DPYD: variants seen among roughly 807,000 people sequenced by gnomAD.
DPYD encodes the protein dihydropyrimidine dehydrogenase [NADP(+)].
In DPYD, 109 loss-of-function variants were observed where a neutral mutation model predicts 116.2. The ratio of observed to expected loss-of-function variants is 0.94; its 90% confidence interval spans 0.80 to 1.10. The LOEUF is 1.10. Among genes scored for constraint, DPYD ranks in the 50% least tolerant of loss-of-function variants. The probability of loss-of-function intolerance (pLI) is 0.00; values close to 1 mark genes in which losing one functional copy is unlikely to be tolerated. For missense variants in DPYD, 1,302 were observed against 1,254.5 expected (o/e 1.04, Z -0.57); for synonymous variants, 440 against 432.0 (o/e 1.02, Z -0.23).
rs573918579 is a variant in DPYD, at chr1:97,801,613, G to A, written c.233+26501C>T. Among the ~76,000 whole-genome samples the A allele has an allele frequency of 2.0e-5, 3 of 151,984 alleles. No individual in the cohort carries two copies. The East Asian group carries it at 5.8e-4, about 29-fold the overall frequency. On this transcript the variant is annotated intron_variant, in intron 3 of 22. Coordinates refer to ENST00000370192, the MANE Select transcript of DPYD (RefSeq NM_000110.4). ...CAATTTTATATGGTAGCCAAAAAAG[G>A]CGAACCTGAGAAGGTAACATTTGAG...
At chr1:97,610,987 A>ATG (rs34312119) in intron 8 of DPYD, among the ~76,000 whole-genome samples, 20,794 of 151,448 alleles carry the variant, frequency 0.14, 1,634 homozygotes, top group African/African-American at 0.2. Context: ...GTATATATAT[A>ATG]TGTGTGTGTG....
intron 18 of DPYD, among the ~76,000 whole-genome samples, chr1:97,242,124 GTATATATATATATATA>G (rs71590220): frequency 8.6e-4 from 31 of 35,866 alleles, no homozygotes; most frequent in Admixed American, 2.6e-3. Context: ...GTGTGCGTGT[GTATATATATATATATA>G]TATATATATA....
chr1:97,307,516 C>A (rs961662569), intron 16 of DPYD, among the ~76,000 whole-genome samples: 1 of 151,676 alleles, frequency 6.6e-6, no homozygotes, highest in Non-Finnish European at 1.5e-5. Context: ...AAAAGTTATG[C>A]ATTTTTGTGC....
chr1:97,215,159 T>C (rs1660294083), intron 19 of DPYD, among the ~76,000 whole-genome samples: 1 of 152,224 alleles, frequency 6.6e-6, no homozygotes, highest in African/African-American at 2.4e-5. Context: ...CTCACAACCA[T>C]ACTACGAGGT....
chr1:97,784,973 G>A (rs755146593), intron 3 of DPYD, among the ~76,000 whole-genome samples: 12 of 152,276 alleles, frequency 7.9e-5, no homozygotes, highest in Non-Finnish European at 1.3e-4. Context: ...AAGCAAGAAA[G>A]ACAATAAGCT....
intron 3 of DPYD, among the ~76,000 whole-genome samples, chr1:97,804,514 AATTCT>A (rs1399222837): frequency 5.9e-5 from 9 of 151,788 alleles, no homozygotes; most frequent in Admixed American, 5.9e-4. Flanking sequence ...TAATTAGACA[AATTCT>A]ACAGTGTATT....
intron 14 of DPYD, among the ~76,000 whole-genome samples, chr1:97,447,845 A>C (rs1014147823): frequency 6.6e-6 from 1 of 152,120 alleles, no homozygotes; most frequent in Admixed American, 6.5e-5. Context: ...TTTCCAGGAA[A>C]ATTTTTTTTT....
intron 3 of DPYD, among the ~76,000 whole-genome samples, chr1:97,784,346 G>A (rs1272032609): frequency 2.0e-5 from 3 of 152,024 alleles, no homozygotes; most frequent in Non-Finnish European, 4.4e-5. Flanking sequence ...TGAGAGTGTA[G>A]GTATCTACTT....
At chr1:97,782,808 G>A (rs561358718) in intron 3 of DPYD, among the ~76,000 whole-genome samples, 2 of 152,228 alleles carry the variant, frequency 1.3e-5, no homozygotes, top group African/African-American at 4.8e-5. Flanking sequence ...CAGAATAAAT[G>A]GTCAAACTCC....
chr1:97,920,927 G>A lies in DPYD; in HGVS notation c.-5C>T. The stretch of plus-strand genomic sequence containing the variant: ...CTTACTGAGCACAGGGGCCATGGCA[G>A]TGCCTACAGTCTCGAGTCTGCCAGT... On this transcript the variant is annotated 5_prime_UTR_variant, in exon 1 of 23. Transcript: ENST00000370192. 3 of 1,585,908 alleles carry A rather than the reference G, an allele frequency of 1.9e-6. No individual in the cohort carries two copies. Among genetic ancestry groups the A allele is most frequent in the Non-Finnish European group, 8.6e-7 (1 of 1,166,520 alleles).
At chr1:97,573,673 G>A (rs1282667680) in intron 11 of DPYD, 87 bp downstream of exon 11, 2 of 1,545,636 alleles carry the variant, frequency 1.3e-6, no homozygotes, top group African/African-American at 2.7e-5. Context: ...ATTTTAAAGT[G>A]AAAAACAATT....
At chr1:97,567,988 CA>C (rs561576452) in intron 11 of DPYD, among the ~76,000 whole-genome samples, 109 of 151,844 alleles carry the variant, frequency 7.2e-4, no homozygotes, top group African/African-American at 2.5e-3. Flanking sequence ...GAAAATTTGG[CA>C]AAATGGAGAT....
chr1:97,437,452 G>T (rs2101749177), intron 14 of DPYD, among the ~76,000 whole-genome samples: 1 of 151,934 alleles, frequency 6.6e-6, no homozygotes, highest in African/African-American at 2.4e-5. Context: ...AGTTGTTGAT[G>T]AAAATATGAG....
At chr1:97,234,818 A>AT (rs1423398394) in intron 19 of DPYD, 34 bp downstream of exon 19, 6 of 1,612,560 alleles carry the variant, frequency 3.7e-6, no homozygotes, top group Non-Finnish European at 5.1e-6. Context: ...TGAGATGGAG[A>AT]TTTTTAAAAG....
intron 19 of DPYD, 123 bp downstream of exon 19, chr1:97,234,729 T>C: frequency 8.2e-7 from 1 of 1,216,566 alleles, no homozygotes; most frequent in South Asian, 1.3e-5. Flanking sequence ...GCTGCCATTT[T>C]GATCCCAAAT....
At chr1:97,240,624 T>C (rs1662271664) in intron 18 of DPYD, among the ~76,000 whole-genome samples, 1 of 152,030 alleles carries the variant, frequency 6.6e-6, no homozygotes, top group South Asian at 2.1e-4. Flanking sequence ...TTTGCTTACA[T>C]TAATTAAAAT....
intron 13 of DPYD, among the ~76,000 whole-genome samples, chr1:97,486,342 T>C (rs943348914): frequency 1.1e-4 from 17 of 152,210 alleles, no homozygotes; most frequent in Admixed American, 5.2e-4. Flanking sequence ...TCATTTGTAC[T>C]ATACTCCATT....
chr1:97,296,825 AG>A (rs2101006889), intron 18 of DPYD, among the ~76,000 whole-genome samples: 1 of 152,290 alleles, frequency 6.6e-6, no homozygotes, highest in East Asian at 1.9e-4. Flanking sequence ...AGGAAAAAAG[AG>A]GCAAAACTTC....
chr1:97,272,760 T>A (rs1294152785), intron 18 of DPYD, among the ~76,000 whole-genome samples: 1 of 152,142 alleles, frequency 6.6e-6, no homozygotes, highest in East Asian at 1.9e-4. Flanking sequence ...TACTACAAGC[T>A]ATTTCATATC....
Sources: gnomAD v4.1 joint callset for allele counts (sites outside exome capture counted in the v4.1 genomes callset) on GRCh38, gnomAD v4.1.1 for gene constraint, MANE v1.5 for transcripts, NCBI Gene and HGNC (gene_info 2026-07-23, HGNC 2026-07-21) for gene names.